RBFOX3: variants seen among roughly 807,000 people sequenced by gnomAD.
RBFOX3 encodes the protein RNA binding fox-1 homolog 3, also known as RNA binding protein fox-1 homolog 3.
In RBFOX3, 17 loss-of-function variants were observed where a neutral mutation model predicts 48.7. That is an observed-to-expected ratio of 0.35 (90% CI 0.24 to 0.52). The LOEUF is 0.52. Among genes scored for constraint, RBFOX3 ranks in the 20% least tolerant of loss-of-function variants. The probability of loss-of-function intolerance (pLI) is 0.94; values close to 1 mark genes in which losing one functional copy is unlikely to be tolerated. For synonymous variants in RBFOX3, 212 were observed against 209.5 expected, an observed-to-expected ratio of 1.01 and a Z score of -0.10; for missense variants, 382 against 497.5, an observed-to-expected ratio of 0.77 and a Z score of 2.21.
intron 1 of RBFOX3, among the ~76,000 whole-genome samples, chr17:79,558,140 G>A (rs2091916757): frequency 6.6e-6 from 1 of 152,182 alleles, no homozygotes; most frequent in Non-Finnish European, 1.5e-5. Flanking sequence ...CACACGGGGA[G>A]GGTGATTTGT....
At chr17:79,657,323 T>C in the RBFOX3 span, among the ~76,000 whole-genome samples, 2 of 152,086 alleles carry the variant, frequency 1.3e-5, no homozygotes, top group Admixed American at 6.6e-5. Context: ...ACTCCCAGCA[T>C]GTTATCAACA....
At chr17:79,454,866 G>A (rs1555743767) in intron 2 of RBFOX3, among the ~76,000 whole-genome samples, 1 of 152,166 alleles carries the variant, frequency 6.6e-6, no homozygotes, top group Non-Finnish European at 1.5e-5. Context: ...TCCCATTGTA[G>A]CTCCTCAGTA....
chr17:79,437,193 G>GC (rs2069678865), intron 2 of RBFOX3, among the ~76,000 whole-genome samples: 2 of 152,092 alleles, frequency 1.3e-5, no homozygotes, highest in African/African-American at 4.8e-5. Flanking sequence ...CCCCCCAGGA[G>GC]CCCCCCTGGG....
intron 3 of RBFOX3, among the ~76,000 whole-genome samples, chr17:79,236,207 T>C (rs2061613611): frequency 6.6e-6 from 1 of 152,226 alleles, no homozygotes; most frequent in Non-Finnish European, 1.5e-5. Context: ...ACACTGGGTT[T>C]CCTCTGCCAT....
At chr17:79,525,464 G>T (rs2086672213) in intron 1 of RBFOX3, among the ~76,000 whole-genome samples, 1 of 152,194 alleles carries the variant, frequency 6.6e-6, no homozygotes, top group East Asian at 1.9e-4. Flanking sequence ...AGAAAGACTG[G>T]TCTTCAATTC....
intron 1 of RBFOX3, among the ~76,000 whole-genome samples, chr17:79,565,039 CA>C (rs1303157702): frequency 0.011 from 1,237 of 113,906 alleles, 15 homozygotes; most frequent in African/African-American, 0.039. Flanking sequence ...GACTCTGTCT[CA>C]AAAAAAAAAA....
At chr17:79,522,712 C>G (rs966607171) in intron 1 of RBFOX3, among the ~76,000 whole-genome samples, 6,894 of 152,034 alleles carry the variant, frequency 0.045, 284 homozygotes, top group African/African-American at 0.11. Context: ...GGCAGATTAC[C>G]TGAGGTCAGG....
At chr17:79,273,921 C>T (rs1168800367) in intron 3 of RBFOX3, among the ~76,000 whole-genome samples, 1 of 152,204 alleles carries the variant, frequency 6.6e-6, no homozygotes, top group Non-Finnish European at 1.5e-5. Context: ...CCAGGTCTCC[C>T]TGCCTCCTCC....
At chr17:79,338,961 T>C (rs1422462514) in intron 2 of RBFOX3, among the ~76,000 whole-genome samples, 1 of 152,248 alleles carries the variant, frequency 6.6e-6, no homozygotes, top group Non-Finnish European at 1.5e-5. Context: ...GAGGCGGTTC[T>C]ATAAAAATTC....
chr17:79,526,578 C>T (rs1288352978), intron 1 of RBFOX3, among the ~76,000 whole-genome samples: 1 of 152,122 alleles, frequency 6.6e-6, no homozygotes, highest in Non-Finnish European at 1.5e-5. Flanking sequence ...AGCAAGGGGT[C>T]AGAGCAGAGG....
At chr17:79,221,316 T>C (rs2059704898) in intron 4 of RBFOX3, among the ~76,000 whole-genome samples, 1 of 152,256 alleles carries the variant, frequency 6.6e-6, no homozygotes, top group South Asian at 2.1e-4. Context: ...AAGAGACTTC[T>C]TTCTATGGTT....
intron 1 of RBFOX3, among the ~76,000 whole-genome samples, chr17:79,582,693 A>G (rs2093112640): frequency 3.6e-5 from 5 of 138,126 alleles, no homozygotes; most frequent in African/African-American, 1.3e-4. Context: ...GCTATGTGGG[A>G]GGCTACTGAA....
intron 1 of RBFOX3, among the ~76,000 whole-genome samples, chr17:79,494,583 G>C (rs2081170819): frequency 1.3e-5 from 2 of 152,270 alleles, no homozygotes; most frequent in African/African-American, 4.8e-5. Context: ...GAGGGTTGGA[G>C]TGGGCTGGGG....
At chr17:79,253,541 T>A (rs1364232779) in intron 3 of RBFOX3, among the ~76,000 whole-genome samples, 2 of 152,218 alleles carry the variant, frequency 1.3e-5, no homozygotes, top group Admixed American at 6.5e-5. Flanking sequence ...ATTTTTTTTT[T>A]AAATCACAAA....
chr17:79,145,922 G>C (rs531371344), intron 4 of RBFOX3, among the ~76,000 whole-genome samples: 15 of 152,272 alleles, frequency 9.9e-5, no homozygotes, highest in African/African-American at 3.4e-4. Context: ...CCGGGGGCAG[G>C]GGGGTGGTTG....
chr17:79,388,001 CGTGT>C (rs74638654), intron 2 of RBFOX3, among the ~76,000 whole-genome samples: 2,711 of 151,354 alleles, frequency 0.018, 36 homozygotes, highest in Middle Eastern at 0.027. Flanking sequence ...TGAATGTGTA[CGTGT>C]GTGTGTGTGT....
At chr17:79,520,856 C>T (rs1384670992) in intron 1 of RBFOX3, among the ~76,000 whole-genome samples, 2 of 152,222 alleles carry the variant, frequency 1.3e-5, no homozygotes, top group Admixed American at 6.5e-5. Context: ...TATTTGAAGT[C>T]GCCCCATGCT....
chr17:79,120,090 C>T (rs927653685), intron 4 of RBFOX3, among the ~76,000 whole-genome samples: 3 of 152,102 alleles, frequency 2.0e-5, no homozygotes, highest in African/African-American at 4.8e-5. Flanking sequence ...GTGGTGTGAG[C>T]GGAGGAGTTC....
intron 1 of RBFOX3, among the ~76,000 whole-genome samples, chr17:79,559,080 CG>C (rs2144091711): frequency 6.6e-6 from 1 of 152,260 alleles, no homozygotes; most frequent in Admixed American, 6.5e-5. Flanking sequence ...CAGTCTTACA[CG>C]GGCAGCAGCA....
Sources: gnomAD v4.1 joint callset for allele counts (sites outside exome capture counted in the v4.1 genomes callset) on GRCh38, gnomAD v4.1.1 for gene constraint, MANE v1.5 for transcripts, NCBI Gene and HGNC (gene_info 2026-07-23, HGNC 2026-07-21) for gene names.